SOS1: variants seen among roughly 807,000 people sequenced by gnomAD.
SOS1 encodes son of sevenless homolog 1.
A neutral mutation model predicts 157.6 loss-of-function variants in SOS1; 25 were observed. The ratio of observed to expected loss-of-function variants is 0.16; its 90% confidence interval spans 0.12 to 0.22. The LOEUF (loss-of-function observed/expected upper bound fraction) is 0.22. SOS1 is among the 10% of genes least tolerant of loss of function. The pLI is 1.00. For synonymous variants in SOS1, 528 were observed against 534.0 expected (o/e 0.99, Z 0.16); for missense variants, 1,237 against 1,599.1 (o/e 0.77, Z 3.86).
In SOS1 at chr2:39,043,213, AT is replaced by A. The variant is rs373421345; in HGVS notation, c.865-7714del. ...AAAGAAATTCATGAGTGAATGTTTA[AT>A]TTTAAGAAAGCCTTTTTCTTGAGAT... On this transcript the variant is annotated intron_variant, in intron 6 of 22. Coordinates refer to ENST00000402219, the MANE Select transcript of SOS1 (RefSeq NM_005633.4). Among the ~76,000 whole-genome samples, 160 of 152,286 alleles carry A rather than the reference AT, an allele frequency of 1.1e-3. 1 individual carries two copies. The South Asian group carries it at 0.015, about 14-fold the overall frequency.
intron 4 of SOS1, 50 bp downstream of exon 4, chr2:39,056,652 A>T: frequency 8.6e-7 from 1 of 1,162,096 alleles, no homozygotes; most frequent in Non-Finnish European, 1.3e-6. Flanking sequence ...AGCATCTAAT[A>T]AGTCATAAAA....
chr2:39,089,556 G>GA lies in SOS1; in HGVS notation c.88-21804dup, dbSNP rs1450474211. Reference sequence around the variant, plus strand: ...AAAAAAAAAAAAAAAAAGAAAGAAAGAAAAGAAGCCAACCTAAAAAAGCTC... The same window carrying GA: ...AAAAAAAAAAAAAAAAAGAAAGAAAGAAAAAGAAGCCAACCTAAAAAAGCTC... On this transcript the variant is annotated intron_variant, in intron 1 of 22. Transcript: ENST00000402219. Among the ~76,000 whole-genome samples, 790 of 141,504 alleles carry GA rather than the reference G, an allele frequency of 5.6e-3. 7 individuals carry two copies. Among genetic ancestry groups the GA allele is most frequent in the African/African-American group, 0.019 (752 of 38,668 alleles). The allele number at this position is 141,504 out of a possible 152,430, so 92.8% of individuals were successfully genotyped here.
intron 1 of SOS1, among the ~76,000 whole-genome samples, chr2:39,082,329 T>C (rs1035773308): frequency 3.9e-5 from 6 of 152,204 alleles, no homozygotes; most frequent in African/African-American, 7.2e-5. Flanking sequence ...ATAGTAGGCA[T>C]CTGGGAAAAG....
At position 38,995,201 on chromosome 2, in the gene SOS1, G is replaced by A; in HGVS notation, c.3268C>T (p.Pro1090Ser). The A allele has an allele frequency of 6.2e-7, 1 of 1,613,978 alleles. No individual in the cohort carries two copies. Among genetic ancestry groups the A allele is most frequent in the South Asian group, 1.1e-5 (1 of 91,070 alleles). Residue 1090 changes from proline (P) to serine (S), a missense_variant, in exon 20 of 23, where the codon CCG (proline) becomes TCG (serine). Pro to Ser is a moderately conservative substitution (Grantham distance 74). Transcript: ENST00000402219. ...PNSPRTPLTP[P>S]PASGASSTTD... ...GTACTGGAAGCACCAGAAGCAGGCG[G>A]AGGTGTTAACGGTGTTCTTGGAGAA... is the stretch of plus-strand genomic sequence containing the variant.
At chr2:39,072,021 A>C (rs1237796977) in intron 1 of SOS1, among the ~76,000 whole-genome samples, 1 of 151,710 alleles carries the variant, frequency 6.6e-6, no homozygotes, top group Non-Finnish European at 1.5e-5. Flanking sequence ...TCTTATCTCT[A>C]AGGCAGAATT....
chr2:39,122,087 G>A (rs1673910013), upstream of SOS1, among the ~76,000 whole-genome samples: 1 of 152,082 alleles, frequency 6.6e-6, no homozygotes, highest in African/African-American at 2.4e-5. Flanking sequence ...ATCTTTACAG[G>A]ACCTCTTTGA....
At chr2:39,062,918 T>C (rs913449406) in intron 2 of SOS1, among the ~76,000 whole-genome samples, 1 of 152,146 alleles carries the variant, frequency 6.6e-6, no homozygotes, top group African/African-American at 2.4e-5. Flanking sequence ...TATCTTTTAA[T>C]ACTTGAATGA....
intron 1 of SOS1, among the ~76,000 whole-genome samples, chr2:39,098,915 C>T (rs746907500): frequency 5.1e-4 from 78 of 152,160 alleles, no homozygotes; most frequent in Non-Finnish European, 7.4e-4. Flanking sequence ...TACAACTCAA[C>T]AGTAAAAAGA....
rs1668407857 is a variant in SOS1, at chr2:38,981,833, G to A, written c.*3991C>T. ...CAAATACACATATATACACAAACAC[G>A]TCTCAACTAAAATTATACATGTCAC... On this transcript the variant is annotated 3_prime_UTR_variant, in exon 23 of 23. Coordinates refer to ENST00000402219, the MANE Select transcript of SOS1 (RefSeq NM_005633.4). 2 of 152,040 alleles carry A rather than the reference G, an allele frequency of 1.3e-5. No individual in the cohort carries two copies. The highest frequency in any genetic ancestry group is 4.8e-5 in the African/African-American group (2 of 41,380). 9.4% of individuals were successfully genotyped at this position (152,040 alleles called of 1,614,324 possible).
intron 5 of SOS1, among the ~76,000 whole-genome samples, chr2:39,053,489 AGT>A (rs1332358392): frequency 6.6e-6 from 1 of 152,136 alleles, no homozygotes; most frequent in Non-Finnish European, 1.5e-5. Context: ...GAAACCATGC[AGT>A]GTGTCCATTT....
chr2:39,014,115 C>T (rs766457250), intron 11 of SOS1, 126 bp from the exon 12 acceptor site: 233 of 672,766 alleles, frequency 3.5e-4, no homozygotes, highest in Non-Finnish European at 4.1e-4. Context: ...TGAAGATATG[C>T]ATATCAGTGT....
chr2:39,003,949 C>T (rs1669196808), intron 17 of SOS1, among the ~76,000 whole-genome samples: 1 of 152,138 alleles, frequency 6.6e-6, no homozygotes, highest in African/African-American at 2.4e-5. Context: ...CACTAGATGC[C>T]TGTAGCACCA....
chr2:39,110,049 T>TGC (rs1450644383), intron 1 of SOS1, among the ~76,000 whole-genome samples: 1 of 149,514 alleles, frequency 6.7e-6, no homozygotes, highest in Non-Finnish European at 1.5e-5. Flanking sequence ...CGTGTGTGTG[T>TGC]GTGTGTGTGT....
chr2:39,010,573 G>A lies in SOS1; in HGVS notation c.2510+11C>T, dbSNP rs1206772576. Reference sequence around the variant, plus strand: ...ACAGCTATAAAATATAAGAATGCTAGGAATACTTACTTCTCAAACCACAGA... The same window carrying A: ...ACAGCTATAAAATATAAGAATGCTAAGAATACTTACTTCTCAAACCACAGA... On this transcript the variant is annotated intron_variant, in intron 15 of 22. Coordinates refer to ENST00000402219, the MANE Select transcript of SOS1 (RefSeq NM_005633.4). 1.9e-6 allele frequency: 3 copies of A among 1,606,190 alleles called. No homozygotes were observed. Among genetic ancestry groups the A allele is most frequent in the East Asian group, 2.2e-5 (1 of 44,824 alleles).
chr2:39,006,998 A>C, intron 16 of SOS1, 33 bp downstream of exon 16: 1 of 1,455,578 alleles, frequency 6.9e-7, no homozygotes, highest in Non-Finnish European at 9.6e-7. Flanking sequence ...TAGGGAATGA[A>C]AGTTCATTTT....
chr2:39,078,016 G>A (rs758486972), intron 1 of SOS1, among the ~76,000 whole-genome samples: 4 of 151,960 alleles, frequency 2.6e-5, no homozygotes, highest in Non-Finnish European at 5.9e-5. Flanking sequence ...TCACACACTG[G>A]GACACATATA....
chr2:39,007,218 A>G (rs1255522811), intron 15 of SOS1, 25 bp from the exon 16 acceptor site: 4 of 1,452,808 alleles, frequency 2.8e-6, no homozygotes, highest in Non-Finnish European at 3.9e-6. Context: ...AAAGTGAACT[A>G]AAGGTTTTAG....
intron 4 of SOS1, 135 bp downstream of exon 4, chr2:39,056,567 T>G: frequency 1.5e-6 from 1 of 670,768 alleles, no homozygotes; most frequent in Non-Finnish European, 2.6e-6. Context: ...AGTGGTATCT[T>G]GAATCCCTAC....
chr2:39,102,517 C>A (rs1445421641), intron 1 of SOS1, among the ~76,000 whole-genome samples: 5 of 85,498 alleles, frequency 5.8e-5, no homozygotes, highest in African/African-American at 9.6e-5. Context: ...GGCAACAGAG[C>A]AAGACTCCAT....
Sources: allele counts gnomAD v4.1 joint callset (sites outside exome capture counted in the v4.1 genomes callset), GRCh38; gene constraint gnomAD v4.1.1; transcripts MANE v1.5; gene names NCBI Gene and HGNC (gene_info 2026-07-23, HGNC 2026-07-21).